The following TBCK variants were observed in gnomAD, a reference collection of about 807,000 sequenced individuals.
The protein encoded by TBCK is TBC domain-containing protein kinase-like protein.
TBCK carries 99 observed loss-of-function variants against 113.4 expected under a neutral mutation model. That is an observed-to-expected ratio of 0.87 (90% CI 0.74 to 1.03). TBCK has a LOEUF of 1.03. TBCK is among the 50% of genes least tolerant of loss of function. The pLI, the probability that TBCK is intolerant of heterozygous loss-of-function variation, is 0.00. For synonymous variants in TBCK, 369 were observed against 370.8 expected, an observed-to-expected ratio of 1.00 and a Z score of 0.05; for missense variants, 1,045 against 1,061.3, an observed-to-expected ratio of 0.98 and a Z score of 0.21.
At position 106,041,841 on chromosome 4, in the gene TBCK, C is replaced by T. The variant is rs781763040; in HGVS notation, c.*4729G>A. 6.6e-6 allele frequency: 1 copy of T among 152,098 alleles called. No homozygotes were observed. Among genetic ancestry groups the T allele is most frequent in the African/African-American group, 2.4e-5 (1 of 41,404 alleles). 9.4% of individuals were successfully genotyped at this position (152,098 alleles called of 1,614,324 possible). A position where few individuals can be genotyped will look rare whatever the true frequency, so the allele number is the denominator to read the frequency against. ...AAGTTTAGTTTTCATGTTACAAGCA[C>T]CTATCATAAGGCATTAACAGGAAAA... On this transcript the variant is annotated 3_prime_UTR_variant, in exon 26 of 26. Coordinates refer to ENST00000394708, the MANE Select transcript of TBCK (RefSeq NM_001163435.3).
chr4:106,262,020 C>T, intron 4 of TBCK, 78 bp downstream of exon 4: 1 of 662,300 alleles, frequency 1.5e-6, no homozygotes, highest in Non-Finnish European at 2.4e-6. Context: ...TATTGTTCCT[C>T]TGACTGAGTA....
chr4:106,119,370 CAACTGATTCTTGACA>C (rs1169119654), intron 23 of TBCK, among the ~76,000 whole-genome samples: 2 of 152,028 alleles, frequency 1.3e-5, no homozygotes, highest in African/African-American at 4.8e-5. Flanking sequence ...TATTTACAGC[CAACTGATTCTTGACA>C]AAGCCACCAA....
chr4:106,172,065 C>T (rs1226665747), intron 22 of TBCK, among the ~76,000 whole-genome samples: 1 of 152,108 alleles, frequency 6.6e-6, no homozygotes, highest in Non-Finnish European at 1.5e-5. Context: ...TTCCTGACCT[C>T]AGGCAATCCA....
In TBCK at chr4:106,308,826, A is replaced by C; in HGVS notation, c.135T>G (p.Leu45=). The change falls in exon 2 of 26, where the codon CTT becomes CTG. Residue 45 remains leucine (L), a synonymous_variant. Transcript: ENST00000394708. ...AGAGTCTGGGATGGGTGATGGTTTT[A>C]AGGATTTGAAAGCGCCCTAAAATTT... The part of the protein sequence containing the change: ...SIKILGRFQI[L]KTITHPRLCQ... 6.2e-7 allele frequency: 1 copy of C among 1,614,210 alleles called. No individual in the cohort carries two copies. The highest frequency in any genetic ancestry group is 8.5e-7 in the Non-Finnish European group (1 of 1,180,018).
At chr4:106,302,844 C>G (rs530595247) in intron 2 of TBCK, among the ~76,000 whole-genome samples, 2 of 152,200 alleles carry the variant, frequency 1.3e-5, no homozygotes, top group Admixed American at 6.5e-5. Context: ...GTAAAAAGCT[C>G]CAAATGATCC....
intron 22 of TBCK, among the ~76,000 whole-genome samples, chr4:106,185,688 G>A (rs1403365918): frequency 2.0e-5 from 3 of 152,128 alleles, no homozygotes; most frequent in Non-Finnish European, 4.4e-5. Flanking sequence ...ATTGTGAGCA[G>A]CAGCCTGGGT....
At chr4:106,147,107 A>G (rs912379635) in intron 23 of TBCK, among the ~76,000 whole-genome samples, 3 of 152,162 alleles carry the variant, frequency 2.0e-5, no homozygotes, top group African/African-American at 7.2e-5. Flanking sequence ...CTAGTTCTCT[A>G]TTTCTACCAC....
chr4:106,227,744 T>C (rs1280054268), intron 19 of TBCK, among the ~76,000 whole-genome samples: 4 of 151,722 alleles, frequency 2.6e-5, no homozygotes, highest in South Asian at 2.1e-4. Flanking sequence ...AAACAGTAAA[T>C]GGGAGAGTGA....
chr4:106,068,494 C>T (rs1736938535), intron 25 of TBCK, among the ~76,000 whole-genome samples: 1 of 152,182 alleles, frequency 6.6e-6, no homozygotes, highest in Non-Finnish European at 1.5e-5. Context: ...TTTTTTATGG[C>T]TGCATAATAT....
intron 3 of TBCK, among the ~76,000 whole-genome samples, chr4:106,294,754 T>C (rs898245474): frequency 2.0e-5 from 3 of 152,016 alleles, no homozygotes; most frequent in Non-Finnish European, 4.4e-5. Flanking sequence ...GTGCTGGCAT[T>C]ACAGGCGTGA....
intron 25 of TBCK, among the ~76,000 whole-genome samples, chr4:106,054,159 T>C (rs966017528): frequency 2.0e-5 from 3 of 151,692 alleles, no homozygotes; most frequent in South Asian, 4.1e-4. Flanking sequence ...GTCTTTTCCA[T>C]AGTCTATGAG....
In TBCK at chr4:106,135,875, C is replaced by G. The variant is rs539705221; in HGVS notation, c.2236-19497G>C. On this transcript the variant is annotated intron_variant, in intron 23 of 25. Coordinates refer to ENST00000394708, the MANE Select transcript of TBCK (RefSeq NM_001163435.3). The stretch of plus-strand genomic sequence containing the variant: ...TAGTATTGAATAGGTAGACAAGTGC[C>G]AGATTATGAGATCTCTGAAAGACAG... 2.1e-5 allele frequency among the ~76,000 whole-genome samples: 3 copies of G among 141,388 alleles called. 1 individual carries two copies. In the East Asian group the frequency reaches 6.1e-4, roughly 29 times the overall value. 92.8% of individuals were successfully genotyped at this position (141,388 alleles called of 152,430 possible).
chr4:106,208,720 T>A (rs894245309), intron 20 of TBCK, among the ~76,000 whole-genome samples: 1 of 152,134 alleles, frequency 6.6e-6, no homozygotes, highest in Non-Finnish European at 1.5e-5. Context: ...GCTGTAACCC[T>A]GTAGCACACC....
intron 25 of TBCK, among the ~76,000 whole-genome samples, chr4:106,072,884 G>A (rs542480978): frequency 4.5e-4 from 69 of 151,986 alleles, no homozygotes; most frequent in African/African-American, 1.5e-3. Flanking sequence ...CCACTTGATC[G>A]AATCAGCTAC....
intron 25 of TBCK, among the ~76,000 whole-genome samples, chr4:106,057,556 C>T (rs1560587624): frequency 6.6e-6 from 1 of 151,630 alleles, no homozygotes; most frequent in South Asian, 2.1e-4. Flanking sequence ...AGCAGCCAAA[C>T]TGCTCTTCAA....
chr4:106,210,463 G>A (rs564195671), intron 20 of TBCK, among the ~76,000 whole-genome samples: 2 of 152,222 alleles, frequency 1.3e-5, no homozygotes, highest in South Asian at 4.2e-4. Flanking sequence ...AACAGTAATA[G>A]GCTAACTTAT....
chr4:106,216,271 T>C (rs1445752659), intron 19 of TBCK, among the ~76,000 whole-genome samples: 4 of 148,766 alleles, frequency 2.7e-5, no homozygotes, highest in Non-Finnish European at 6.0e-5. Context: ...GCAGGAAAGA[T>C]CCAAAATTGA....
chr4:106,114,641 G>T (rs35363222), intron 24 of TBCK, among the ~76,000 whole-genome samples: 1 of 152,070 alleles, frequency 6.6e-6, no homozygotes, highest in Non-Finnish European at 1.5e-5. Flanking sequence ...TCCGTTGTTC[G>T]GCCAGGGTCT....
At position 106,046,522 on chromosome 4, in the gene TBCK, G is replaced by T; in HGVS notation, c.*48C>A. 2 of 1,015,284 alleles carry T rather than the reference G, an allele frequency of 2.0e-6. No homozygotes were observed. The highest frequency in any genetic ancestry group is 3.1e-6 in the Non-Finnish European group (2 of 638,158). The allele number at this position is 1,015,284 out of a possible 1,614,324, so 62.9% of individuals were successfully genotyped here. ...TGGCGTGGATATGAAGAACTGTGCTGTTGGTGCTGATGCCACACTAAGTTT... is the reference window on the plus strand; with the variant it reads ...TGGCGTGGATATGAAGAACTGTGCTTTTGGTGCTGATGCCACACTAAGTTT... On this transcript the variant is annotated 3_prime_UTR_variant, in exon 26 of 26. Transcript: ENST00000394708.
Sources: allele counts gnomAD v4.1 joint callset (sites outside exome capture counted in the v4.1 genomes callset), GRCh38; gene constraint gnomAD v4.1.1; transcripts MANE v1.5; gene names NCBI Gene and HGNC (gene_info 2026-07-23, HGNC 2026-07-21).